The following KIF22 variants were observed in gnomAD, a reference collection of about 807,000 sequenced individuals.
KIF22 encodes the protein kinesin-like protein KIF22.
KIF22 carries 62 observed loss-of-function variants against 73.0 expected under a neutral mutation model. That is an observed-to-expected ratio of 0.85 (90% CI 0.69 to 1.05). The LOEUF (loss-of-function observed/expected upper bound fraction) is 1.05, where lower values mean the gene tolerates loss of function less well. Ranked by LOEUF, KIF22 falls within the 50% of genes least tolerant of loss-of-function variation. The pLI, the probability that KIF22 is intolerant of heterozygous loss-of-function variation, is 0.00. For synonymous variants in KIF22, 411 were observed against 340.1 expected (o/e 1.21, Z -2.29); for missense variants, 854 against 870.1 (o/e 0.98, Z 0.23).
rs766050449 is a variant in KIF22 at position 29,804,073 on chromosome 16, T to C, written c.1677+8T>C. ...AAAGGCCGGAAGAGAAAGGTGAAAGTAGCTGGGGGCTTAGGCTACACCTGG... is the reference window on the plus strand; with the variant it reads ...AAAGGCCGGAAGAGAAAGGTGAAAGCAGCTGGGGGCTTAGGCTACACCTGG... On this transcript the variant is annotated splice_region_variant and intron_variant, in intron 11 of 13. Coordinates refer to ENST00000160827, the MANE Select transcript of KIF22 (RefSeq NM_007317.3). 3.1e-6 allele frequency: 5 copies of C among 1,611,330 alleles called. No individual in the cohort carries two copies. The South Asian group carries it at 4.4e-5, about 14-fold the overall frequency.
At position 29,804,059 on chromosome 16, in the gene KIF22, G is replaced by A. The variant is rs761719883; in HGVS notation, c.1671G>A (p.Lys557=). 6.2e-7 allele frequency: 1 copy of A among 1,613,642 alleles called. No homozygotes were observed. The highest frequency in any genetic ancestry group is 1.1e-5 in the South Asian group (1 of 91,074). ...ACATCCTGAAGAATAAAGGCCGGAA[G>A]AGAAAGGTGAAAGTAGCTGGGGGCT... ...EIHILKNKGR[K]RKLESLDALE... The change falls in exon 11 of 14, where the codon AAG becomes AAA. Residue 557 remains lysine, a synonymous_variant. Coordinates refer to ENST00000160827, the MANE Select transcript of KIF22 (RefSeq NM_007317.3).
intron 8 of KIF22, 44 bp from the exon 9 acceptor site, chr16:29,802,725 A>T (rs1183042051): frequency 2.0e-6 from 3 of 1,508,118 alleles, no homozygotes; most frequent in East Asian, 4.9e-5. Context: ...GTAGGTGGTG[A>T]TGAGGGAGGA....
In KIF22 at chr16:29,799,629, ACT is replaced by A. The variant is rs1567359364; in HGVS notation, c.997_998del (p.Leu333GlyfsTer15). 1.9e-6 allele frequency: 3 copies of A among 1,613,666 alleles called. No individual in the cohort carries two copies. The highest frequency in any genetic ancestry group is 1.1e-5 in the South Asian group (1 of 91,042). On this transcript the variant is annotated frameshift_variant and splice_region_variant, in exon 7 of 14. Transcript: ENST00000160827. LOFTEE classifies it high-confidence loss of function. ...CCCACTGCCTGGTCTCACCCTCAGG[ACT>A]CTCTGGGTGGCTCAGCCCACAGTAT...
At chr16:29,805,197 C>T in intron 13 of KIF22, 23 bp downstream of exon 13, 1 of 1,614,172 alleles carries the variant, frequency 6.2e-7, no homozygotes, top group Admixed American at 1.7e-5. Flanking sequence ...CCCTGCCCCT[C>T]CTCTGCCTGT....
At chr16:29,802,432 T>G (rs1001513990) in intron 8 of KIF22, among the ~76,000 whole-genome samples, 29 of 152,102 alleles carry the variant, frequency 1.9e-4, no homozygotes, top group African/African-American at 7.0e-4. Flanking sequence ...CTCTGTGATG[T>G]TTTCCGCAAC....
chr16:29,799,852 C>T, intron 7 of KIF22, 61 bp from the exon 8 acceptor site: 1 of 1,612,270 alleles, frequency 6.2e-7, no homozygotes, highest in Non-Finnish European at 8.5e-7. Flanking sequence ...AACCACCAAG[C>T]ATCAGCACAG....
intron 1 of KIF22, chr16:29,792,367 TGTGAGCCCTGGGGCAGGAATGGCC>T: frequency 1.0e-6 from 1 of 971,868 alleles, no homozygotes; most frequent in Non-Finnish European, 1.2e-6. Flanking sequence ...TACCCTGGAC[TGTGAGCCCTGGGGCAGGAATGGCC>T]GTGAGCCATT....
chr16:29,805,064 G>GGGGGGGGGGGGGGGGGGGC, intron 12 of KIF22, 38 bp downstream of exon 12: 1 of 1,609,762 alleles, frequency 6.2e-7, no homozygotes, highest in Non-Finnish European at 8.5e-7. Context: ...CGGGGGCGGG[G>GGGGGGGGGGGGGGGGGGGC]GAGACCGGGT....
rs775322288 is a variant in KIF22, at chr16:29,790,779, C to T, written c.20C>T (p.Thr7Met). The T allele has an allele frequency of 5.6e-6, 9 of 1,600,636 alleles. No individual in the cohort carries two copies. The highest frequency in any genetic ancestry group is 1.3e-5 in the African/African-American group (1 of 74,760). The stretch of plus-strand genomic sequence containing the variant: ...AGTGGAATGGCCGCGGGCGGCTCGA[C>T]GCAGCAGAGGCGACGCGAGATGGCG... Reference protein sequence around the residue: MAAGGSTQQRRREMAAA... With the variant: MAAGGSMQQRRREMAAA... The change falls in exon 1 of 14, where the codon ACG becomes ATG. Residue 7 changes from threonine (T) to methionine (M), a missense_variant. Physicochemically the swap from Thr to Met is moderately conservative, Grantham distance 81. Transcript: ENST00000160827.
Position 29,799,202 on chromosome 16 carries a change from G to A in KIF22, c.759+18G>A. ...TGGTCAAGGTGAGGCCGCAGACAGGGGCGAGGACCTGGGAAGCCCAGGAGC... is the reference window on the plus strand; with the variant it reads ...TGGTCAAGGTGAGGCCGCAGACAGGAGCGAGGACCTGGGAAGCCCAGGAGC... On this transcript the variant is annotated intron_variant, in intron 5 of 13. Transcript: ENST00000160827. The A allele has an allele frequency of 6.2e-7, 1 of 1,611,838 alleles. No individual in the cohort carries two copies. The highest frequency in any genetic ancestry group is 1.1e-5 in the South Asian group (1 of 90,848).
chr16:29,792,388 G>A (rs946165582), intron 1 of KIF22: 2 of 984,376 alleles, frequency 2.0e-6, no homozygotes, highest in African/African-American at 1.7e-5. Flanking sequence ...GGGCAGGAAT[G>A]GCCGTGAGCC....
intron 1 of KIF22, among the ~76,000 whole-genome samples, chr16:29,794,072 T>C (rs890002355): frequency 6.6e-6 from 1 of 152,186 alleles, no homozygotes; most frequent in Non-Finnish European, 1.5e-5. Flanking sequence ...GAGCAGTTGC[T>C]GCCAGGCACT....
intron 1 of KIF22, among the ~76,000 whole-genome samples, chr16:29,794,416 A>G (rs1898898284): frequency 6.6e-6 from 1 of 152,188 alleles, no homozygotes; most frequent in South Asian, 2.1e-4. Flanking sequence ...CCCATTTTGC[A>G]GGTAAGGAAA....
intron 1 of KIF22, chr16:29,792,599 T>TA (rs889007161): frequency 3.2e-5 from 5 of 155,782 alleles, no homozygotes; most frequent in African/African-American, 1.2e-4. Context: ...GACAAATGCT[T>TA]ATGGAGGGGC....
At chr16:29,796,588 CT>C (rs913708764) in intron 1 of KIF22, among the ~76,000 whole-genome samples, 4 of 151,606 alleles carry the variant, frequency 2.6e-5, no homozygotes, top group African/African-American at 9.7e-5. Context: ...CACCTGGGAG[CT>C]TGTTAGAAAT....
intron 1 of KIF22, chr16:29,792,455 A>T (rs535490195): frequency 9.3e-6 from 9 of 972,180 alleles, no homozygotes; most frequent in Admixed American, 6.2e-5. Context: ...CTAAATCTTA[A>T]TTTTTTTCAG....
chr16:29,801,850 A>G (rs980018460), intron 8 of KIF22, among the ~76,000 whole-genome samples: 9 of 152,198 alleles, frequency 5.9e-5, no homozygotes, highest in Non-Finnish European at 1.5e-5. Flanking sequence ...TTCACAGCAT[A>G]GGAAGGGAGA....
At position 29,790,885 on chromosome 16, in the gene KIF22, T is replaced by C. The variant is rs1020417585; in HGVS notation, c.70+56T>C. The C allele has an allele frequency of 3.8e-6, 6 of 1,560,068 alleles. No homozygotes were observed. In the African/African-American group the frequency reaches 8.2e-5, roughly 21 times the overall value. On this transcript the variant is annotated intron_variant, in intron 1 of 13. Transcript: ENST00000160827. ...ACCGACGTCTGGAGTTTAGTGGGAG[T>C]TATGTGTCGGAGTGTGGTCCAGGCT...
At chr16:29,804,129 G>T (rs769640997) in intron 11 of KIF22, 64 bp downstream of exon 11, 27 of 1,352,008 alleles carry the variant, frequency 2.0e-5, no homozygotes, top group South Asian at 1.3e-4. Flanking sequence ...TAGGCTCTAG[G>T]GGGAGGAGCG....
Sources: allele counts gnomAD v4.1 joint callset (sites outside exome capture counted in the v4.1 genomes callset), GRCh38; gene constraint gnomAD v4.1.1; transcripts MANE v1.5; gene names NCBI Gene and HGNC (gene_info 2026-07-23, HGNC 2026-07-21).